TEKT5: variants seen among roughly 807,000 people sequenced by gnomAD.
TEKT5 encodes the protein tektin-5.
Under a neutral mutation model 48.7 loss-of-function variants are expected in TEKT5, and 52 were observed. That is an observed-to-expected ratio of 1.07 (90% CI 0.86 to 1.35). The LOEUF is 1.35. Among genes scored for constraint, TEKT5 ranks in the 40% most tolerant of loss-of-function variants. The pLI is 0.00. For synonymous variants in TEKT5, 318 were observed against 267.6 expected (o/e 1.19, Z -1.84); for missense variants, 831 against 641.6 (o/e 1.30, Z -3.19).
intron 5 of TEKT5, among the ~76,000 whole-genome samples, chr16:10,644,005 G>A (rs187904469): frequency 3.5e-4 from 53 of 152,256 alleles, no homozygotes; most frequent in African/African-American, 1.1e-3. Flanking sequence ...TCGCACCATC[G>A]CACTCCAGAC....
rs750261090 is a variant in TEKT5 at position 10,694,642 on chromosome 16, G to A, written c.232C>T (p.Leu78=). 14 of 1,612,934 alleles carry A rather than the reference G, an allele frequency of 8.7e-6. No individual in the cohort carries two copies. In the African/African-American group the frequency reaches 1.2e-4, roughly 14 times the overall value. The change falls in exon 1 of 7, where the codon CTG becomes TTG. Residue 78 remains leucine (L), a synonymous_variant. Coordinates refer to ENST00000283025, the MANE Select transcript of TEKT5 (RefSeq NM_144674.2). ...STSTLRPPTI[L]PTLRSALFSR... ...AAGAGTGCGGAGCGCAGTGTGGGCA[G>A]GATGGTGGGCGGCCGCAGGGTACTG... is the stretch of plus-strand genomic sequence containing the variant.
At chr16:10,672,403 G>A (rs1369342047) in intron 5 of TEKT5, among the ~76,000 whole-genome samples, 1 of 152,054 alleles carries the variant, frequency 6.6e-6, no homozygotes, top group Non-Finnish European at 1.5e-5. Flanking sequence ...ACCAGCCTGG[G>A]CAATATGGCA....
rs1464430320 is a variant in TEKT5, at chr16:10,694,764, T to C, written c.110A>G (p.Gln37Arg). ...GCGGTACCCGGGCAGGTAGTAGGGC[T>C]GATAGCATTCCTGGATCACTGGCGC... ...VQAPVIQECY[Q>R]PYYLPGYRYL... Residue 37 changes from glutamine to arginine, a missense_variant, in exon 1 of 7, where the codon CAG (glutamine) becomes CGG (arginine). Coordinates refer to ENST00000283025, the MANE Select transcript of TEKT5 (RefSeq NM_144674.2). 1 of 1,614,094 alleles carries C rather than the reference T, an allele frequency of 6.2e-7. No homozygotes were observed. Among genetic ancestry groups the C allele is most frequent in the East Asian group, 2.2e-5 (1 of 44,886 alleles).
In TEKT5 at chr16:10,670,043, C is replaced by T. The variant is rs536339024; in HGVS notation, c.1086+5916G>A. Among the ~76,000 whole-genome samples the T allele has an allele frequency of 8.5e-4, 130 of 152,328 alleles. 1 individual carries two copies. The highest frequency in any genetic ancestry group is 3.4e-3 in the Middle Eastern group (1 of 294). On this transcript the variant is annotated intron_variant, in intron 5 of 6. Coordinates refer to ENST00000283025, the MANE Select transcript of TEKT5 (RefSeq NM_144674.2). ...CATCCCAGTGAACAGATGAGGCTGT[C>T]TGCACAGCCCCAAACCACTGTCTGC...
intron 5 of TEKT5, among the ~76,000 whole-genome samples, chr16:10,643,931 A>C (rs2142266913): frequency 6.6e-6 from 1 of 152,186 alleles, no homozygotes; most frequent in East Asian, 1.9e-4. Flanking sequence ...AATCCCAACT[A>C]CGCGGGAGGC....
chr16:10,650,201 T>C (rs1898132773), intron 5 of TEKT5, among the ~76,000 whole-genome samples: 1 of 151,684 alleles, frequency 6.6e-6, no homozygotes, highest in Non-Finnish European at 1.5e-5. Context: ...GGATTACAGG[T>C]GTGTGCGACA....
At chr16:10,635,585 G>A (rs558380907) in intron 6 of TEKT5, among the ~76,000 whole-genome samples, 179 bp downstream of exon 6, 74 of 152,224 alleles carry the variant, frequency 4.9e-4, no homozygotes, top group Admixed American at 8.5e-4. Flanking sequence ...GGTACAGCCC[G>A]AGCTGCATCT....
Position 10,689,331 on chromosome 16 carries a change from GA to G in TEKT5, c.649-9del. ...TTTTAGCAAATCCACTTCCTGAAAT[GA>G]AAAATGTCAGAAAGAGCAGTGCCTC... is the stretch of plus-strand genomic sequence containing the variant. On this transcript the variant is annotated splice_polypyrimidine_tract_variant and intron_variant, in intron 2 of 6. Coordinates refer to ENST00000283025, the MANE Select transcript of TEKT5 (RefSeq NM_144674.2). The G allele has an allele frequency of 6.2e-7, 1 of 1,611,476 alleles. No homozygotes were observed. Among genetic ancestry groups the G allele is most frequent in the Non-Finnish European group, 8.5e-7 (1 of 1,178,524 alleles).
At chr16:10,657,119 CTTTT>C (rs57742183) in intron 5 of TEKT5, among the ~76,000 whole-genome samples, 3 of 135,424 alleles carry the variant, frequency 2.2e-5, no homozygotes, top group Admixed American at 7.4e-5. Context: ...TTAGGTCTGC[CTTTT>C]TTTTTTTTTT....
intron 5 of TEKT5, among the ~76,000 whole-genome samples, chr16:10,642,199 C>G (rs1898004766): frequency 6.6e-6 from 1 of 152,178 alleles, no homozygotes; most frequent in Non-Finnish European, 1.5e-5. Context: ...CACTAGCCCT[C>G]CCAGGGTTAG....
chr16:10,662,446 A>G (rs1156594705), intron 5 of TEKT5, among the ~76,000 whole-genome samples: 2 of 152,158 alleles, frequency 1.3e-5, no homozygotes, highest in African/African-American at 4.8e-5. Flanking sequence ...GGGGAGAACA[A>G]TTGTTCTGAG....
intron 5 of TEKT5, among the ~76,000 whole-genome samples, chr16:10,653,470 G>T (rs1898204245): frequency 6.6e-6 from 1 of 152,230 alleles, no homozygotes; most frequent in Non-Finnish European, 1.5e-5. Context: ...ACAGATGTAG[G>T]TTCAATTCCA....
rs758299679 is a variant in TEKT5, at chr16:10,694,643, G to T, written c.231C>A (p.Ile77=). Residue 77 remains isoleucine, a synonymous_variant, in exon 1 of 7, where the codon ATC becomes ATA. Coordinates refer to ENST00000283025, the MANE Select transcript of TEKT5 (RefSeq NM_144674.2). ...AGAGTGCGGAGCGCAGTGTGGGCAG[G>T]ATGGTGGGCGGCCGCAGGGTACTGG... ...ESTSTLRPPT[I]LPTLRSALFS... is the part of the protein sequence containing the mutation. 2 of 1,613,086 alleles carry T rather than the reference G, an allele frequency of 1.2e-6. No individual in the cohort carries two copies. Among genetic ancestry groups the T allele is most frequent in the Non-Finnish European group, 1.7e-6 (2 of 1,179,460 alleles).
chr16:10,675,891 A>G, intron 5 of TEKT5, 68 bp downstream of exon 5: 1 of 1,521,022 alleles, frequency 6.6e-7, no homozygotes, highest in Non-Finnish European at 9.1e-7. Context: ...CCCAGATAAC[A>G]CTCAGATTCA....
intron 5 of TEKT5, among the ~76,000 whole-genome samples, chr16:10,638,941 T>TA (rs1488207812): frequency 6.6e-6 from 1 of 152,222 alleles, no homozygotes; most frequent in East Asian, 1.9e-4. Context: ...CAATACCGTC[T>TA]ACCTTTTCCA....
chr16:10,689,402 T>G, intron 2 of TEKT5, 79 bp from the exon 3 acceptor site: 1 of 1,273,604 alleles, frequency 7.9e-7, no homozygotes, highest in Non-Finnish European at 1.1e-6. Flanking sequence ...CCCTCAGCTC[T>G]CCCCTCCCCT....
intron 5 of TEKT5, among the ~76,000 whole-genome samples, chr16:10,653,366 T>C (rs544002305): frequency 6.6e-6 from 1 of 152,348 alleles, no homozygotes; most frequent in South Asian, 2.1e-4. Flanking sequence ...CCAGTGGAGA[T>C]GAGGCAAGAC....
chr16:10,639,707 C>T (rs74007190), intron 5 of TEKT5, among the ~76,000 whole-genome samples: 3,437 of 152,318 alleles, frequency 0.023, 134 homozygotes, highest in African/African-American at 0.079. Context: ...CCCATCCTCC[C>T]AATTGAAACA....
At chr16:10,689,911 G>A in intron 2 of TEKT5, 31 bp downstream of exon 2, 1 of 1,611,708 alleles carries the variant, frequency 6.2e-7, no homozygotes, top group Non-Finnish European at 8.5e-7. Context: ...GCCTCCTTCA[G>A]GGGGCTGGGC....
Sources: gnomAD v4.1 joint callset for allele counts (sites outside exome capture counted in the v4.1 genomes callset) on GRCh38, gnomAD v4.1.1 for gene constraint, MANE v1.5 for transcripts, NCBI Gene and HGNC (gene_info 2026-07-23, HGNC 2026-07-21) for gene names.